The following UBASH3B variants were observed in gnomAD, a reference collection of about 807,000 sequenced individuals.
UBASH3B encodes ubiquitin-associated and SH3 domain-containing protein B.
Under a neutral mutation model 83.4 loss-of-function variants are expected in UBASH3B, and 37 were observed. The ratio of observed to expected loss-of-function variants is 0.44; its 90% confidence interval spans 0.34 to 0.58. UBASH3B has a LOEUF of 0.58. Ranked by LOEUF, UBASH3B falls within the 20% of genes least tolerant of loss-of-function variation. The pLI is 0.01. For missense variants in UBASH3B, 657 were observed against 827.2 expected (o/e 0.79, Z 2.52); for synonymous variants, 304 against 318.3 (o/e 0.96, Z 0.48).
rs754475698 is a variant in UBASH3B, at chr11:122,789,156, C to G, written c.828C>G (p.Val276=). Residue 276 remains valine, a synonymous_variant, in exon 6 of 14, where the codon GTC becomes GTG. Transcript: ENST00000284273. ...AAAATGACGATGAGCTGGAGCTGGT[C>G]CCCGGGGACTTCATCTTCATGTCTC... ...TPQNDDELEL[V]PGDFIFMSPM... The G allele has an allele frequency of 1.9e-6, 3 of 1,613,968 alleles. No homozygotes were observed. The highest frequency in any genetic ancestry group is 1.7e-5 in the Admixed American group (1 of 60,004).
intron 1 of UBASH3B, among the ~76,000 whole-genome samples, chr11:122,713,371 A>G (rs1363264187): frequency 2.0e-5 from 3 of 152,216 alleles, no homozygotes; most frequent in Admixed American, 6.5e-5. Context: ...CTGCGGCATC[A>G]GACGAATGCA....
At chr11:122,774,426 C>T (rs1860698856) in intron 1 of UBASH3B, among the ~76,000 whole-genome samples, 1 of 152,244 alleles carries the variant, frequency 6.6e-6, no homozygotes, top group Admixed American at 6.5e-5. Context: ...GCTCAGCCAT[C>T]ACCCCAGCCA....
intron 10 of UBASH3B, among the ~76,000 whole-genome samples, chr11:122,800,013 C>T (rs2135180576): frequency 6.6e-6 from 1 of 152,308 alleles, no homozygotes; most frequent in African/African-American, 2.4e-5. Flanking sequence ...TAAATTTGCA[C>T]AGAACAACTG....
At chr11:122,748,040 A>G (rs188543855) in intron 1 of UBASH3B, among the ~76,000 whole-genome samples, 8 of 152,370 alleles carry the variant, frequency 5.3e-5, no homozygotes, top group African/African-American at 1.7e-4. Flanking sequence ...AACTGGGACA[A>G]AAGTCTGCAC....
chr11:122,728,150 G>T (rs745400086), intron 1 of UBASH3B, among the ~76,000 whole-genome samples: 1 of 152,136 alleles, frequency 6.6e-6, no homozygotes, highest in Non-Finnish European at 1.5e-5. Flanking sequence ...AGCCCATCTT[G>T]AGGTGAAACT....
intron 1 of UBASH3B, among the ~76,000 whole-genome samples, chr11:122,693,063 A>ACATT (rs1491394642): frequency 6.6e-6 from 1 of 152,110 alleles, no homozygotes; most frequent in Non-Finnish European, 1.5e-5. Flanking sequence ...CTCACAAAGT[A>ACATT]CATTCTCAAG....
At chr11:122,795,625 G>T (rs1279486789) in intron 7 of UBASH3B, among the ~76,000 whole-genome samples, 2 of 152,244 alleles carry the variant, frequency 1.3e-5, no homozygotes, top group African/African-American at 2.4e-5. Flanking sequence ...TATATAGTCA[G>T]ACAGCAGAGG....
chr11:122,680,517 G>A (rs553363450), intron 1 of UBASH3B, among the ~76,000 whole-genome samples: 23 of 152,336 alleles, frequency 1.5e-4, no homozygotes, highest in Admixed American at 4.6e-4. Context: ...AGGCTGGAGT[G>A]CAATGGCGCG....
chr11:122,801,700 G>T (rs1036637388), intron 11 of UBASH3B, among the ~76,000 whole-genome samples: 2 of 152,138 alleles, frequency 1.3e-5, no homozygotes, highest in Admixed American at 1.3e-4. Context: ...CAGTTTCTAC[G>T]TTTAATTTTT....
In UBASH3B at chr11:122,759,115, A is replaced by G. The variant is rs1007393405; in HGVS notation, c.162-17104A>G. Among the ~76,000 whole-genome samples, 3 of 152,194 alleles carry G rather than the reference A, an allele frequency of 2.0e-5. No individual in the cohort carries two copies. Among genetic ancestry groups the G allele is most frequent in the Non-Finnish European group, 4.4e-5 (3 of 68,046 alleles). On this transcript the variant is annotated intron_variant, in intron 1 of 13. Transcript: ENST00000284273. The surrounding 1 kb of genome is among the most constrained non-coding windows in gnomAD (Gnocchi z 4.1). ...GGCCGTGTTCTCACCAGAAAGCTTG[A>G]CTAAGATCCACTTATAAGCTCACCC... is the stretch of plus-strand genomic sequence containing the variant.
chr11:122,684,492 AG>A (rs1224762337), intron 1 of UBASH3B, among the ~76,000 whole-genome samples: 3 of 152,196 alleles, frequency 2.0e-5, no homozygotes, highest in African/African-American at 4.8e-5. Context: ...GCTTCCTGGA[AG>A]GGGTGACATA....
At position 122,755,451 on chromosome 11, in the gene UBASH3B, G is replaced by A. The variant is rs1454415921; in HGVS notation, c.162-20768G>A. Among the ~76,000 whole-genome samples the A allele has an allele frequency of 3.9e-5, 6 of 152,194 alleles. No individual in the cohort carries two copies. In the South Asian group the frequency reaches 8.3e-4, roughly 21 times the overall value. On this transcript the variant is annotated intron_variant, in intron 1 of 13. Coordinates refer to ENST00000284273, the MANE Select transcript of UBASH3B (RefSeq NM_032873.5). ...GCTTTGGCAAGCAGAGGGAACAACCGGGACAGGAGGGTGTGGCCACATGGA... is the reference window on the plus strand; with the variant it reads ...GCTTTGGCAAGCAGAGGGAACAACCAGGACAGGAGGGTGTGGCCACATGGA...
chr11:122,709,717 C>T (rs1226244448), intron 1 of UBASH3B, among the ~76,000 whole-genome samples: 1 of 152,178 alleles, frequency 6.6e-6, no homozygotes, highest in East Asian at 1.9e-4. Context: ...AAGGCTTTTG[C>T]AAGGGAGGAA....
In UBASH3B at chr11:122,789,238, G is replaced by A. The variant is rs1044981494; in HGVS notation, c.910G>A (p.Gly304Ser). ...GATCTATGGCACGTCCTTAACCACC[G>A]GCTGCTCTGGACTCCTGCCTGAGAA... ...GWIYGTSLTT[G>S]CSGLLPENYI... Residue 304 changes from glycine (G) to serine (S), a missense_variant, in exon 6 of 14, where the codon GGC (glycine) becomes AGC (serine). Physicochemically the swap from Gly to Ser is moderately conservative, Grantham distance 56. This residue lies in a region of UBASH3B where 573 missense variants were observed against 739.0 expected (regional missense o/e 0.78). Transcript: ENST00000284273. The A allele has an allele frequency of 9.9e-6, 16 of 1,614,146 alleles. No homozygotes were observed. Among genetic ancestry groups the A allele is most frequent in the South Asian group, 2.2e-5 (2 of 91,072 alleles).
chr11:122,714,236 T>C (rs12790458), intron 1 of UBASH3B, among the ~76,000 whole-genome samples: 14,353 of 152,262 alleles, frequency 0.094, 1,243 homozygotes, highest in African/African-American at 0.23. Flanking sequence ...AGTGCTTAGA[T>C]ACTGGACAGC....
chr11:122,666,607 C>CG (rs1565522121), intron 1 of UBASH3B, among the ~76,000 whole-genome samples: 1 of 151,890 alleles, frequency 6.6e-6, no homozygotes, highest in East Asian at 1.9e-4. Flanking sequence ...TTAGTAGAGA[C>CG]GGGGTTTCAC....
intron 3 of UBASH3B, 52 bp downstream of exon 3, chr11:122,777,262 C>CG: frequency 6.5e-7 from 1 of 1,549,960 alleles, no homozygotes; most frequent in South Asian, 1.2e-5. Flanking sequence ...GGATCCCAGC[C>CG]GGCCCTTTGG....
chr11:122,735,007 G>C (rs1272480484), intron 1 of UBASH3B, among the ~76,000 whole-genome samples: 1 of 152,088 alleles, frequency 6.6e-6, no homozygotes, highest in Non-Finnish European at 1.5e-5. Flanking sequence ...CCATTCAGGA[G>C]TGAACTTTTC....
At chr11:122,792,548 AC>A (rs1216096127) in intron 6 of UBASH3B, among the ~76,000 whole-genome samples, 4 of 151,802 alleles carry the variant, frequency 2.6e-5, no homozygotes, top group Non-Finnish European at 5.9e-5. Flanking sequence ...TGAACTCCTA[AC>A]CCCAGGTGAT....
Sources: gnomAD v4.1 joint callset for allele counts (sites outside exome capture counted in the v4.1 genomes callset) on GRCh38, gnomAD v4.1.1 for gene constraint, gnomAD v4.1.1 regional missense constraint, Gnocchi (gnomAD v3.1) non-coding constraint, MANE v1.5 for transcripts, NCBI Gene and HGNC (gene_info 2026-07-23, HGNC 2026-07-21) for gene names.